Variants in GABBR2 observed in about 807,000 individuals in gnomAD.
GABBR2 encodes the protein G-protein coupled receptor 51.
A neutral mutation model predicts 105.6 loss-of-function variants in GABBR2; 23 were observed. That is an observed-to-expected ratio of 0.22 (90% CI 0.16 to 0.31). The LOEUF (loss-of-function observed/expected upper bound fraction) is 0.31, where lower values mean the gene tolerates loss of function less well. Among genes scored for constraint, GABBR2 ranks in the 10% least tolerant of loss-of-function variants. The pLI is 1.00. For missense variants in GABBR2, 734 were observed against 1,245.5 expected (o/e 0.59, Z 6.18); for synonymous variants, 478 against 499.7 (o/e 0.96, Z 0.58).
In GABBR2 at chr9:98,306,546, T is replaced by G. The variant is rs1033668511; in HGVS notation, c.2005-201A>C. On this transcript the variant is annotated intron_variant, in intron 14 of 18. Transcript: ENST00000259455. The surrounding 1 kb of genome is among the most constrained non-coding windows in gnomAD (Gnocchi z 5.4). ...GCCCTGCTGAGTCCTGCTGAGCAAA[T>G]GCAGACTGGGGATGTGACAGCTGTC... 8.3e-6 allele frequency: 5 copies of G among 601,300 alleles called. No individual in the cohort carries two copies. The African/African-American group carries it at 9.3e-5, about 11-fold the overall frequency. 37.2% of individuals were successfully genotyped at this position (601,300 alleles called of 1,614,324 possible).
intron 2 of GABBR2, among the ~76,000 whole-genome samples, chr9:98,568,470 G>A (rs373440987): frequency 5.9e-5 from 9 of 152,306 alleles, no homozygotes; most frequent in Middle Eastern, 3.4e-3. Flanking sequence ...AGGAGAGGAC[G>A]GGCCTGCAGG....
chr9:98,648,550 C>A (rs527912179), intron 1 of GABBR2, among the ~76,000 whole-genome samples: 11 of 152,324 alleles, frequency 7.2e-5, no homozygotes, highest in Admixed American at 7.2e-4. Flanking sequence ...CTTGACAGCG[C>A]CTCTCCAGGC....
intron 3 of GABBR2, among the ~76,000 whole-genome samples, chr9:98,517,109 C>T (rs1827771660): frequency 6.6e-6 from 1 of 152,138 alleles, no homozygotes; most frequent in South Asian, 2.1e-4. Context: ...CCGGATTTGC[C>T]CTTGAATAAA....
At chr9:98,470,794 G>A (rs530248441) in intron 6 of GABBR2, among the ~76,000 whole-genome samples, 1 of 151,636 alleles carries the variant, frequency 6.6e-6, no homozygotes, top group South Asian at 2.1e-4. Context: ...TTCATCATGG[G>A]GTTTTTTTTT....
chr9:98,636,102 A>C (rs534362053), intron 1 of GABBR2, among the ~76,000 whole-genome samples: 2 of 152,180 alleles, frequency 1.3e-5, no homozygotes, highest in Non-Finnish European at 2.9e-5. Flanking sequence ...ATTATGAAAA[A>C]TGATGTGGGT....
chr9:98,303,592 C>T lies in GABBR2; in HGVS notation c.2230-169G>A, dbSNP rs41273927. Among the ~76,000 whole-genome samples the T allele has an allele frequency of 6.3e-3, 964 of 152,362 alleles. 6 individuals carry two copies. The highest frequency in any genetic ancestry group is 0.015 in the African/African-American group (609 of 41,584). Reference sequence around the variant, plus strand: ...TAGGCTCAGGCCAGACTCTGCTACTCGCTTGTGTGTGACCTGGGGCAGGCC... The same window carrying T: ...TAGGCTCAGGCCAGACTCTGCTACTTGCTTGTGTGTGACCTGGGGCAGGCC... On this transcript the variant is annotated intron_variant, in intron 15 of 18. Transcript: ENST00000259455.
chr9:98,306,890 T>A lies in GABBR2; in HGVS notation c.2005-545A>T, dbSNP rs534732276. ...GCTGCCCTAGAGGCTAGGCGTGGCA[T>A]ATTGCTAGCTTCTGGACAATGCCTG... is the stretch of plus-strand genomic sequence containing the variant. On this transcript the variant is annotated intron_variant, in intron 14 of 18. Coordinates refer to ENST00000259455, the MANE Select transcript of GABBR2 (RefSeq NM_005458.8). The surrounding 1 kb of genome is among the most constrained non-coding windows in gnomAD (Gnocchi z 5.4). 7.9e-5 allele frequency among the ~76,000 whole-genome samples: 12 copies of A among 152,304 alleles called. No individual in the cohort carries two copies. The highest frequency in any genetic ancestry group is 2.6e-4 in the African/African-American group (11 of 41,566).
rs79831799 is a variant in GABBR2 at position 98,296,191 on chromosome 9, T to C, written c.2543-2289A>G. 3.1e-3 allele frequency among the ~76,000 whole-genome samples: 478 copies of C among 152,270 alleles called. 3 individuals are homozygous for C. The highest frequency in any genetic ancestry group is 0.011 in the African/African-American group (471 of 41,550). On this transcript the variant is annotated intron_variant, in intron 17 of 18. Transcript: ENST00000259455. The stretch of plus-strand genomic sequence containing the variant: ...GAGGTTAGGGCCCTTACAAAAGGGC[T>C]TGAGAAAGTGGGTTTACCCCTTCCA...
intron 1 of GABBR2, among the ~76,000 whole-genome samples, chr9:98,591,955 A>G (rs1054859979): frequency 2.0e-5 from 3 of 152,212 alleles, no homozygotes; most frequent in Admixed American, 6.5e-5. Flanking sequence ...GGCAATAAAC[A>G]AACCCTAAAT....
At chr9:98,542,143 A>G in intron 2 of GABBR2, 100 bp from the exon 3 acceptor site, 3 of 930,922 alleles carry the variant, frequency 3.2e-6, no homozygotes, top group Non-Finnish European at 4.9e-6. Context: ...TTCAACTTAG[A>G]GCATAAACAC....
intron 1 of GABBR2, among the ~76,000 whole-genome samples, chr9:98,629,623 C>T (rs1448957311): frequency 6.6e-6 from 1 of 152,198 alleles, no homozygotes; most frequent in Non-Finnish European, 1.5e-5. Flanking sequence ...TGGGGTCACC[C>T]CTTCCCCATG....
chr9:98,311,928 A>C (rs78885708), intron 13 of GABBR2, among the ~76,000 whole-genome samples: 4,451 of 152,368 alleles, frequency 0.029, 109 homozygotes, highest in Middle Eastern at 0.092. Flanking sequence ...TCTGGGAGAT[A>C]ATTGGCCAGA....
chr9:98,471,719 G>A (rs1826686818), intron 6 of GABBR2, among the ~76,000 whole-genome samples: 1 of 152,114 alleles, frequency 6.6e-6, no homozygotes, highest in African/African-American at 2.4e-5. Flanking sequence ...TGCTTTCATG[G>A]ATATTTTTTT....
At chr9:98,609,346 T>C (rs567264966) in intron 1 of GABBR2, among the ~76,000 whole-genome samples, 42 of 152,286 alleles carry the variant, frequency 2.8e-4, no homozygotes, top group African/African-American at 9.9e-4. Flanking sequence ...CCAAGCAGAA[T>C]TTATCTTTTC....
chr9:98,593,448 A>C (rs1829175738), intron 1 of GABBR2, among the ~76,000 whole-genome samples: 1 of 152,118 alleles, frequency 6.6e-6, no homozygotes, highest in African/African-American at 2.4e-5. Flanking sequence ...AGCAGGGGGA[A>C]GGGGTCAGAT....
chr9:98,534,780 A>G (rs528452134), intron 3 of GABBR2, among the ~76,000 whole-genome samples: 13 of 152,378 alleles, frequency 8.5e-5, no homozygotes, highest in African/African-American at 2.4e-4. Context: ...GCTGGTGGGA[A>G]TGCAAAATGG....
Position 98,492,711 on chromosome 9 carries a change from A to G in GABBR2, c.732+3702T>C, listed in dbSNP as rs887112126. 1.5e-4 allele frequency among the ~76,000 whole-genome samples: 23 copies of G among 152,214 alleles called. 1 individual carries two copies. Among genetic ancestry groups the G allele is most frequent in the Admixed American group, 1.2e-3 (19 of 15,284 alleles). ...GAGTATTGGTCAGGTATTTTGTAGGATGGCCTTCAACTGTAATTTGTCTGA... is the reference window on the plus strand; with the variant it reads ...GAGTATTGGTCAGGTATTTTGTAGGGTGGCCTTCAACTGTAATTTGTCTGA... On this transcript the variant is annotated intron_variant, in intron 4 of 18. Transcript: ENST00000259455.
At chr9:98,434,569 T>G (rs950869890) in intron 7 of GABBR2, among the ~76,000 whole-genome samples, 23 of 152,156 alleles carry the variant, frequency 1.5e-4, no homozygotes, top group African/African-American at 5.3e-4. Context: ...GAATAAGAAG[T>G]TGGGAAGAGA....
chr9:98,296,115 G>GGT (rs1830378023), intron 17 of GABBR2, among the ~76,000 whole-genome samples: 1 of 152,244 alleles, frequency 6.6e-6, no homozygotes, highest in Non-Finnish European at 1.5e-5. Context: ...TAGTGTAAGA[G>GGT]GTGGGGCCTT....
Sources: allele counts gnomAD v4.1 joint callset (sites outside exome capture counted in the v4.1 genomes callset), GRCh38; gene constraint gnomAD v4.1.1; non-coding constraint Gnocchi (gnomAD v3.1); transcripts MANE v1.5; gene names NCBI Gene and HGNC (gene_info 2026-07-23, HGNC 2026-07-21).